Variants in DCC observed in about 807,000 individuals in gnomAD.
The protein encoded by DCC is netrin receptor DCC.
In DCC, 58 loss-of-function variants were observed where a neutral mutation model predicts 172.5. That is an observed-to-expected ratio of 0.34 (90% CI 0.27 to 0.42). The LOEUF (loss-of-function observed/expected upper bound fraction) is 0.42. Ranked by LOEUF, DCC falls within the 10% of genes least tolerant of loss-of-function variation. The pLI is 1.00. For synonymous variants in DCC, 709 were observed against 644.5 expected, an observed-to-expected ratio of 1.10 and a Z score of -1.52; for missense variants, 1,740 against 1,791.0, an observed-to-expected ratio of 0.97 and a Z score of 0.51.
chr18:52,658,452 C>T (rs887252434), intron 1 of DCC, among the ~76,000 whole-genome samples: 14 of 151,730 alleles, frequency 9.2e-5, no homozygotes, highest in African/African-American at 3.2e-4. Flanking sequence ...CATTATGGGC[C>T]CCATTTACCT....
chr18:53,202,778 A>T (rs894889620), intron 9 of DCC, among the ~76,000 whole-genome samples: 16 of 152,328 alleles, frequency 1.1e-4, no homozygotes, highest in Non-Finnish European at 2.1e-4. Context: ...CCCTGAGAAC[A>T]GATCATTTAC....
At chr18:53,399,296 G>A (rs999859721) in intron 18 of DCC, among the ~76,000 whole-genome samples, 2 of 152,046 alleles carry the variant, frequency 1.3e-5, no homozygotes, top group Non-Finnish European at 2.9e-5. Context: ...TGTAGATTCA[G>A]TGTCACAAAA....
chr18:53,493,310 CT>C (rs1236285441), intron 26 of DCC, among the ~76,000 whole-genome samples: 1 of 152,254 alleles, frequency 6.6e-6, no homozygotes, highest in Admixed American at 6.5e-5. Context: ...ATTGAATACT[CT>C]TTATTTCTTC....
chr18:52,533,275 A>G (rs761744740), intron 1 of DCC, among the ~76,000 whole-genome samples: 1 of 152,066 alleles, frequency 6.6e-6, no homozygotes, highest in Non-Finnish European at 1.5e-5. Context: ...GTGCACTCCC[A>G]TGAATTTAAT....
At chr18:52,809,725 G>A (rs905546984) in intron 2 of DCC, among the ~76,000 whole-genome samples, 1 of 152,156 alleles carries the variant, frequency 6.6e-6, no homozygotes. Flanking sequence ...AGAGCGTGCA[G>A]TTGCAAGATT....
intron 12 of DCC, among the ~76,000 whole-genome samples, chr18:53,257,908 A>G (rs2056542521): frequency 6.6e-6 from 1 of 152,134 alleles, no homozygotes; most frequent in Non-Finnish European, 1.5e-5. Flanking sequence ...TGGTCTTTTC[A>G]GAGATTCAAC....
intron 1 of DCC, among the ~76,000 whole-genome samples, chr18:52,675,366 C>G (rs751409399): frequency 6.6e-6 from 1 of 152,090 alleles, no homozygotes; most frequent in Non-Finnish European, 1.5e-5. Flanking sequence ...AATCCCAGGT[C>G]TTTGGATAAA....
At chr18:52,936,890 T>A (rs925191773) in intron 5 of DCC, among the ~76,000 whole-genome samples, 1 of 152,210 alleles carries the variant, frequency 6.6e-6, no homozygotes, top group Non-Finnish European at 1.5e-5. Flanking sequence ...GGGAGCAATA[T>A]ATGCCATTTC....
chr18:53,141,853 G>C (rs913128454), intron 7 of DCC, among the ~76,000 whole-genome samples: 22 of 152,156 alleles, frequency 1.4e-4, no homozygotes, highest in Admixed American at 1.4e-3. Flanking sequence ...TCATTTTCTT[G>C]TCATCCTTGA....
At chr18:52,837,159 C>T (rs997149871) in intron 2 of DCC, among the ~76,000 whole-genome samples, 30 of 152,252 alleles carry the variant, frequency 2.0e-4, no homozygotes, top group African/African-American at 5.3e-4. Flanking sequence ...TGGGTTGGGC[C>T]CTTGAAACCA....
chr18:53,248,179 A>G (rs149431304), intron 12 of DCC, among the ~76,000 whole-genome samples: 330 of 152,130 alleles, frequency 2.2e-3, no homozygotes, highest in African/African-American at 7.7e-3. Context: ...GTCTTTCCTA[A>G]CAGCAGCTCT....
chr18:53,259,917 T>C (rs971132591), intron 12 of DCC, among the ~76,000 whole-genome samples: 17 of 152,120 alleles, frequency 1.1e-4, no homozygotes, highest in African/African-American at 4.1e-4. Flanking sequence ...TTTTCTTTTT[T>C]CTCTAAACTT....
chr18:52,474,425 C>T (rs2144567996), intron 1 of DCC, among the ~76,000 whole-genome samples: 1 of 152,270 alleles, frequency 6.6e-6, no homozygotes, highest in Admixed American at 6.5e-5. Flanking sequence ...TGCTTACCCT[C>T]TGCCTTCTCC....
chr18:52,855,579 A>G (rs2039038677), intron 2 of DCC, among the ~76,000 whole-genome samples: 4 of 152,120 alleles, frequency 2.6e-5, no homozygotes, highest in Admixed American at 2.6e-4. Context: ...GAGAAAGGCA[A>G]AATGCTCATG....
At chr18:52,599,300 G>A (rs2033969923) in intron 1 of DCC, among the ~76,000 whole-genome samples, 1 of 152,046 alleles carries the variant, frequency 6.6e-6, no homozygotes, top group Non-Finnish European at 1.5e-5. Flanking sequence ...TAAAAACCAG[G>A]GGTCGAAAAA....
Position 53,307,359 on chromosome 18 carries a change from A to G in DCC, c.2053+1640A>G, listed in dbSNP as rs1372411059. On this transcript the variant is annotated intron_variant, in intron 13 of 28. Coordinates refer to ENST00000442544, the MANE Select transcript of DCC (RefSeq NM_005215.4). ...GGTAAAAATAATCAAAGTGAGGAACATGTATTCATTAGGATATTTGGTACA... is the reference window on the plus strand; with the variant it reads ...GGTAAAAATAATCAAAGTGAGGAACGTGTATTCATTAGGATATTTGGTACA... 2.0e-5 allele frequency among the ~76,000 whole-genome samples: 3 copies of G among 152,212 alleles called. No homozygotes were observed. In the East Asian group the frequency reaches 5.8e-4, roughly 29 times the overall value.
chr18:52,649,148 T>C (rs978000125), intron 1 of DCC, among the ~76,000 whole-genome samples: 2 of 151,674 alleles, frequency 1.3e-5, no homozygotes, highest in Admixed American at 6.6e-5. Context: ...CTGAGGCGGG[T>C]GGATCATGAG....
At chr18:52,990,985 C>T (rs185848869) in intron 5 of DCC, among the ~76,000 whole-genome samples, 4 of 152,212 alleles carry the variant, frequency 2.6e-5, no homozygotes, top group East Asian at 1.9e-4. Flanking sequence ...GGCATTGAGC[C>T]AAGACAGGTT....
intron 1 of DCC, among the ~76,000 whole-genome samples, chr18:52,649,304 C>T (rs1278471620): frequency 2.1e-5 from 3 of 144,124 alleles, no homozygotes; most frequent in Non-Finnish European, 4.5e-5. Context: ...ACCCGGGAGG[C>T]GGAGCTTGCA....
Sources: gnomAD v4.1 joint callset for allele counts (sites outside exome capture counted in the v4.1 genomes callset) on GRCh38, gnomAD v4.1.1 for gene constraint, MANE v1.5 for transcripts, NCBI Gene and HGNC (gene_info 2026-07-23, HGNC 2026-07-21) for gene names.